The following IQCH variants were observed in gnomAD, a reference collection of about 807,000 sequenced individuals.
IQCH encodes the protein IQ domain-containing protein H.
In IQCH, 98 loss-of-function variants were observed where a neutral mutation model predicts 117.0. The observed-to-expected ratio is 0.84, with a 90% CI of 0.71 to 0.99. The LOEUF (loss-of-function observed/expected upper bound fraction) is 0.99, where lower values mean the gene tolerates loss of function less well. Among genes scored for constraint, IQCH ranks in the 50% least tolerant of loss-of-function variants. The pLI, the probability that IQCH is intolerant of heterozygous loss-of-function variation, is 0.00. For synonymous variants in IQCH, 412 were observed against 448.2 expected (o/e 0.92, Z 1.02); for missense variants, 1,102 against 1,243.8 (o/e 0.89, Z 1.72).
intron 18 of IQCH, among the ~76,000 whole-genome samples, chr15:67,489,480 C>T (rs1206879991): frequency 1.3e-5 from 2 of 152,076 alleles, no homozygotes; most frequent in African/African-American, 4.8e-5. Flanking sequence ...CTACTTTTCA[C>T]CATACAACAT....
At chr15:67,270,968 G>A (rs1965873656) in intron 3 of IQCH, among the ~76,000 whole-genome samples, 1 of 152,078 alleles carries the variant, frequency 6.6e-6, no homozygotes, top group Admixed American at 6.5e-5. Context: ...TATCATCCTT[G>A]TATCCCTGAG....
intron 1 of IQCH, among the ~76,000 whole-genome samples, chr15:67,258,938 A>G (rs988968142): frequency 2.6e-5 from 4 of 152,234 alleles, no homozygotes; most frequent in Admixed American, 1.3e-4. Context: ...CAATTATACA[A>G]ACAGATGAGT....
At position 67,417,035 on chromosome 15, in the gene IQCH, A is replaced by G. The variant is rs1041377072; in HGVS notation, c.2202A>G (p.Gln734=). 1.2e-5 allele frequency: 20 copies of G among 1,608,820 alleles called. No individual in the cohort carries two copies. Among genetic ancestry groups the G allele is most frequent in the Non-Finnish European group, 1.7e-5 (20 of 1,177,680 alleles). The part of the protein sequence containing the change: ...KRFPTWRKFL[Q]TFLSQGGVIE... ...TCCCGACGTGGAGGAAATTCCTCCA[A>G]ACATTTCTCAGTCAAGGTAAATAAG... Residue 734 remains glutamine (Q), a synonymous_variant, in exon 15 of 21, where the codon CAA becomes CAG. Transcript: ENST00000335894. The surrounding 1 kb of genome is among the most constrained non-coding windows in gnomAD (Gnocchi z 4.3).
In IQCH at chr15:67,261,345, A is replaced by G. The variant is rs1232642249; in HGVS notation, c.125A>G (p.Asp42Gly). 1.3e-6 allele frequency: 2 copies of G among 1,593,480 alleles called. No homozygotes were observed. Among genetic ancestry groups the G allele is most frequent in the African/African-American group, 1.4e-5 (1 of 73,522 alleles). Residue 42 changes from aspartate (D) to glycine (G), a missense_variant, in exon 2 of 21, where the codon GAC (aspartate) becomes GGC (glycine). Physicochemically the swap from Asp to Gly is moderately conservative, Grantham distance 94 (BLOSUM62 -1). Coordinates refer to ENST00000335894, the MANE Select transcript of IQCH (RefSeq NM_001031715.3). ...FSPEEKGETL[D>G]IQSLETAIKR... is the part of the protein sequence containing the mutation. ...CCTGAGGAAAAAGGAGAGACTCTAG[A>G]CATTCAGAGTCTTGAAACAGCAATC...
intron 10 of IQCH, among the ~76,000 whole-genome samples, chr15:67,379,047 A>T (rs555276292): frequency 6.6e-6 from 1 of 152,220 alleles, no homozygotes; most frequent in Non-Finnish European, 1.5e-5. Context: ...TCTAAATAAC[A>T]TATTTTTGAA....
intron 6 of IQCH, among the ~76,000 whole-genome samples, chr15:67,344,737 T>G (rs573528018): frequency 6.6e-6 from 1 of 152,342 alleles, no homozygotes; most frequent in Non-Finnish European, 1.5e-5. Context: ...CTGATGTTAT[T>G]TAACTAAACT....
rs1971751498 is a variant in IQCH at position 67,403,422 on chromosome 15, A to T, written c.2097+3117A>T. On this transcript the variant is annotated intron_variant, in intron 14 of 20. Transcript: ENST00000335894. The surrounding 1 kb of genome is among the most constrained non-coding windows in gnomAD (Gnocchi z 4.8). ...TGTAGGTGATTTTTAGGAAAAGCAG[A>T]ATGTTACATGATGGCCAAAATGAAA... 6.6e-6 allele frequency among the ~76,000 whole-genome samples: 1 copy of T among 152,188 alleles called. No individual in the cohort carries two copies. The highest frequency in any genetic ancestry group is 1.5e-5 in the Non-Finnish European group (1 of 68,040).
rs76782783 is a variant in IQCH, at chr15:67,400,108, T to A, written c.1906-6T>A. 1 of 1,612,280 alleles carries A rather than the reference T, an allele frequency of 6.2e-7. No individual in the cohort carries two copies. The highest frequency in any genetic ancestry group is 8.5e-7 in the Non-Finnish European group (1 of 1,178,644). ...ATTAAATGCAGCTGTGTCTTTGGCC[T>A]CACAGATGATAGAGCAGCTGAGTCA... On this transcript the variant is annotated splice_polypyrimidine_tract_variant and splice_region_variant and intron_variant, in intron 13 of 20. Coordinates refer to ENST00000335894, the MANE Select transcript of IQCH (RefSeq NM_001031715.3).
chr15:67,453,129 A>AT lies in IQCH; in HGVS notation c.2506-11990dup, dbSNP rs1214951144. 6.6e-6 allele frequency among the ~76,000 whole-genome samples: 1 copy of AT among 151,762 alleles called. No individual in the cohort carries two copies. The highest frequency in any genetic ancestry group is 1.9e-4 in the East Asian group (1 of 5,166). On this transcript the variant is annotated intron_variant, in intron 16 of 20. Transcript: ENST00000335894. This position sits in a 1 kb window ranked among gnomAD's most constrained non-coding sequence, Gnocchi z 5.8. ...GTTATTCTAGTTATCCATTCGTCTAATTTTTTTTCAAAGCTTTTAACTTCT... is the reference window on the plus strand; with the variant it reads ...GTTATTCTAGTTATCCATTCGTCTAATTTTTTTTTCAAAGCTTTTAACTTCT...
chr15:67,496,825 T>C lies in IQCH; in HGVS notation c.2970+2459T>C, dbSNP rs1485053483. The stretch of plus-strand genomic sequence containing the variant: ...TGAGGTCAGGAGATCGAGACCATCC[T>C]GGCTAACAAGGTGAAACCCCGTCTC... On this transcript the variant is annotated intron_variant, in intron 20 of 20. Coordinates refer to ENST00000335894, the MANE Select transcript of IQCH (RefSeq NM_001031715.3). The surrounding 1 kb of genome is among the most constrained non-coding windows in gnomAD (Gnocchi z 4.4). 6.6e-6 allele frequency among the ~76,000 whole-genome samples: 1 copy of C among 151,124 alleles called. No homozygotes were observed. Among genetic ancestry groups the C allele is most frequent in the Non-Finnish European group, 1.5e-5 (1 of 67,836 alleles).
At chr15:67,292,430 A>T (rs1966782980) in intron 4 of IQCH, among the ~76,000 whole-genome samples, 1 of 151,886 alleles carries the variant, frequency 6.6e-6, no homozygotes. Context: ...GCTAATTTTT[A>T]AATTTTTAGT....
rs1267620757 is a variant in IQCH, at chr15:67,421,301, C to G, written c.2229C>G (p.Ile743Met). ...LQTFLSQGGV[I>M]EAFPPADNVT... The stretch of plus-strand genomic sequence containing the variant: ...TGTTTTTCCCACCAGGGGGTGTGAT[C>G]GAAGCATTCCCACCTGCAGACAATG... The change falls in exon 16 of 21, where the codon ATC becomes ATG. Residue 743 changes from isoleucine (I) to methionine (M), a missense_variant. Coordinates refer to ENST00000335894, the MANE Select transcript of IQCH (RefSeq NM_001031715.3). 5 of 1,613,540 alleles carry G rather than the reference C, an allele frequency of 3.1e-6. No homozygotes were observed. Among genetic ancestry groups the G allele is most frequent in the Admixed American group, 3.3e-5 (2 of 59,972 alleles).
At chr15:67,271,600 A>G (rs1009499267) in intron 3 of IQCH, among the ~76,000 whole-genome samples, 1 of 152,040 alleles carries the variant, frequency 6.6e-6, no homozygotes, top group African/African-American at 2.4e-5. Context: ...TTTACTCCTT[A>G]TTGGTTTGTT....
At chr15:67,274,046 G>T (rs564593244) in intron 3 of IQCH, among the ~76,000 whole-genome samples, 47 of 152,248 alleles carry the variant, frequency 3.1e-4, no homozygotes, top group African/African-American at 1.1e-3. Flanking sequence ...ATTAATTAGA[G>T]CTCCTTTATG....
In IQCH at chr15:67,293,607, G is replaced by A. The variant is rs112879710; in HGVS notation, c.387+14095G>A. ...AGATACATTTTTTAAAAAATATTTC[G>A]AATTCACCGTTGATTGAATTCATGA... is the stretch of plus-strand genomic sequence containing the variant. On this transcript the variant is annotated intron_variant, in intron 4 of 20. Coordinates refer to ENST00000335894, the MANE Select transcript of IQCH (RefSeq NM_001031715.3). Among the ~76,000 whole-genome samples the A allele has an allele frequency of 6.8e-4, 104 of 152,178 alleles. 1 individual carries two copies. Among genetic ancestry groups the A allele is most frequent in the African/African-American group, 2.4e-3 (98 of 41,508 alleles).
chr15:67,254,827 C>A lies in IQCH; in HGVS notation c.-70C>A. ...CGCGCGGTGTTGCCATGGGGACGAG[C>A]GGCTCCGGCTGAAGGTTTCCGTGCT... On this transcript the variant is annotated 5_prime_UTR_variant, in exon 1 of 21. Transcript: ENST00000335894. 1 of 1,514,966 alleles carries A rather than the reference C, an allele frequency of 6.6e-7. No homozygotes were observed. The highest frequency in any genetic ancestry group is 2.4e-5 in the East Asian group (1 of 41,820). 93.8% of individuals were successfully genotyped at this position (1,514,966 alleles called of 1,614,324 possible). A position where few individuals can be genotyped will look rare whatever the true frequency, so the allele number is the denominator to read the frequency against.
Position 67,254,833 on chromosome 15 carries a change from C to A in IQCH, c.-64C>A. On this transcript the variant is annotated 5_prime_UTR_variant, in exon 1 of 21. Coordinates refer to ENST00000335894, the MANE Select transcript of IQCH (RefSeq NM_001031715.3). ...GTGTTGCCATGGGGACGAGCGGCTC[C>A]GGCTGAAGGTTTCCGTGCTTGGAAA... is the stretch of plus-strand genomic sequence containing the variant. 4 of 1,544,094 alleles carry A rather than the reference C, an allele frequency of 2.6e-6. No individual in the cohort carries two copies. In the Admixed American group the frequency reaches 7.1e-5, roughly 27 times the overall value.
chr15:67,400,665 C>CT lies in IQCH; in HGVS notation c.2097+370dup, dbSNP rs1314683614. Among the ~76,000 whole-genome samples the CT allele has an allele frequency of 1.0e-2, 1,440 of 144,610 alleles. 29 individuals are homozygous for CT. Among genetic ancestry groups the CT allele is most frequent in the African/African-American group, 0.033 (1,295 of 39,604 alleles). 94.9% of individuals were successfully genotyped at this position (144,610 alleles called of 152,430 possible). A position where few individuals can be genotyped will look rare whatever the true frequency, so the allele number is the denominator to read the frequency against. ...ATGCCTGGCTAAATTTTTCTTTTTTCTTTTTTTTTTATTGGGACGGGGAGG... is the reference window on the plus strand; with the variant it reads ...ATGCCTGGCTAAATTTTTCTTTTTTCTTTTTTTTTTTATTGGGACGGGGAGG... On this transcript the variant is annotated intron_variant, in intron 14 of 20. Transcript: ENST00000335894.
chr15:67,262,387 A>G (rs1965499548), intron 2 of IQCH, among the ~76,000 whole-genome samples: 1 of 152,090 alleles, frequency 6.6e-6, no homozygotes, highest in Admixed American at 6.5e-5. Flanking sequence ...CTTGATTCAG[A>G]CTTTTAATCT....
Sources: gnomAD v4.1 joint callset for allele counts (sites outside exome capture counted in the v4.1 genomes callset) on GRCh38, gnomAD v4.1.1 for gene constraint, Gnocchi (gnomAD v3.1) non-coding constraint, MANE v1.5 for transcripts, NCBI Gene and HGNC (gene_info 2026-07-23, HGNC 2026-07-21) for gene names.